Variants in EBF1 observed in about 807,000 individuals in gnomAD.
The protein encoded by EBF1 is EBF transcription factor 1, also known as transcription factor COE1.
A neutral mutation model predicts 68.4 loss-of-function variants in EBF1; 10 were observed. The ratio of observed to expected loss-of-function variants is 0.15; its 90% CI spans 0.09 to 0.25. The LOEUF (loss-of-function observed/expected upper bound fraction) is 0.25, where lower values mean the gene tolerates loss of function less well. Ranked by LOEUF, EBF1 falls within the 10% of genes least tolerant of loss-of-function variation. The pLI, the probability that EBF1 is intolerant of heterozygous loss-of-function variation, is 1.00. For missense variants in EBF1, 509 were observed against 794.4 expected (o/e 0.64, Z 4.32); for synonymous variants, 298 against 299.8 (o/e 0.99, Z 0.06).
chr5:158,793,193 C>A (rs573027393), intron 9 of EBF1, among the ~76,000 whole-genome samples: 1 of 152,130 alleles, frequency 6.6e-6, no homozygotes, highest in African/African-American at 2.4e-5. Context: ...AGAGCACTAC[C>A]AAACATTTAT....
chr5:158,852,134 T>C (rs1160424101), intron 6 of EBF1, among the ~76,000 whole-genome samples: 2 of 144,480 alleles, frequency 1.4e-5, no homozygotes. Flanking sequence ...GGAAACTTTA[T>C]GCTTCAAGGA....
intron 8 of EBF1, among the ~76,000 whole-genome samples, chr5:158,810,950 G>A (rs888546440): frequency 2.0e-4 from 30 of 152,224 alleles, no homozygotes; most frequent in Non-Finnish European, 3.4e-4. Context: ...ACGGCAGGCC[G>A]GCAGAAAAGC....
chr5:159,026,112 A>G (rs1473427806), intron 6 of EBF1, among the ~76,000 whole-genome samples: 1 of 152,132 alleles, frequency 6.6e-6, no homozygotes, highest in African/African-American at 2.4e-5. Context: ...CAGGAAGGTG[A>G]TTTCAGATGA....
chr5:159,084,889 G>T (rs1780367897), intron 4 of EBF1, 150 bp from the exon 5 acceptor site: 1 of 551,448 alleles, frequency 1.8e-6, no homozygotes, highest in Non-Finnish European at 3.0e-6. Flanking sequence ...ATCGTCTGAA[G>T]GTATGATATT....
At chr5:158,782,946 C>T (rs1248354077) in intron 9 of EBF1, among the ~76,000 whole-genome samples, 1 of 151,426 alleles carries the variant, frequency 6.6e-6, no homozygotes, top group Non-Finnish European at 1.5e-5. Flanking sequence ...GAGACCACTG[C>T]TTGTATATCA....
intron 6 of EBF1, among the ~76,000 whole-genome samples, chr5:158,937,579 G>A (rs1035894196): frequency 2.0e-5 from 3 of 152,216 alleles, no homozygotes; most frequent in African/African-American, 2.4e-5. Context: ...AGAGCAGAGC[G>A]GAATGGGATG....
intron 6 of EBF1, among the ~76,000 whole-genome samples, chr5:159,034,656 C>T (rs1769665297): frequency 6.6e-6 from 1 of 152,186 alleles, no homozygotes; most frequent in South Asian, 2.1e-4. Flanking sequence ...GCTTTACACA[C>T]ATTAGGCAGC....
intron 14 of EBF1, among the ~76,000 whole-genome samples, chr5:158,708,996 T>G (rs867710043): frequency 6.6e-6 from 1 of 152,194 alleles, no homozygotes; most frequent in East Asian, 1.9e-4. Context: ...AGCTTGGGGA[T>G]ATGAAAGAGC....
chr5:158,868,968 G>T (rs539529344), intron 6 of EBF1, among the ~76,000 whole-genome samples: 2 of 152,198 alleles, frequency 1.3e-5, no homozygotes, highest in South Asian at 4.1e-4. Flanking sequence ...TGACAAAGCC[G>T]GACCAAGAAA....
At chr5:158,851,057 C>T (rs1792539593) in intron 6 of EBF1, among the ~76,000 whole-genome samples, 1 of 152,084 alleles carries the variant, frequency 6.6e-6, no homozygotes, top group African/African-American at 2.4e-5. Flanking sequence ...CACCCATCCT[C>T]TCTTATCCCA....
At chr5:158,875,041 GCACACACACACACATACACACA>G (rs953474884) in intron 6 of EBF1, among the ~76,000 whole-genome samples, 2 of 102,352 alleles carry the variant, frequency 2.0e-5, no homozygotes, top group African/African-American at 4.4e-5. Flanking sequence ...ACACACACAA[GCACACACACACACATACACACA>G]CACACACACA....
chr5:159,021,307 A>C (rs940788391), intron 6 of EBF1, among the ~76,000 whole-genome samples: 1 of 152,244 alleles, frequency 6.6e-6, no homozygotes, highest in African/African-American at 2.4e-5. Context: ...GGGCAACTGC[A>C]CTCATAGGAG....
At chr5:158,751,375 C>A (rs1768862578) in intron 10 of EBF1, among the ~76,000 whole-genome samples, 1 of 147,108 alleles carries the variant, frequency 6.8e-6, no homozygotes, top group South Asian at 2.1e-4. Context: ...CCATCACATG[C>A]CAGGGACTCC....
intron 10 of EBF1, among the ~76,000 whole-genome samples, chr5:158,776,668 T>G (rs529141462): frequency 9.2e-5 from 14 of 152,274 alleles, no homozygotes; most frequent in African/African-American, 3.1e-4. Flanking sequence ...AGCAGCAGCA[T>G]CAGCCTCACC....
intron 6 of EBF1, among the ~76,000 whole-genome samples, chr5:158,917,727 T>G (rs1807529149): frequency 6.6e-6 from 1 of 152,218 alleles, no homozygotes; most frequent in Non-Finnish European, 1.5e-5. Context: ...CAGGTGGTAC[T>G]CATCTATAGC....
At chr5:158,818,710 T>C (rs1257603706) in intron 8 of EBF1, among the ~76,000 whole-genome samples, 1 of 152,222 alleles carries the variant, frequency 6.6e-6, no homozygotes, top group Non-Finnish European at 1.5e-5. Context: ...GGAAATTTAA[T>C]TGATTTGTAT....
intron 10 of EBF1, among the ~76,000 whole-genome samples, chr5:158,743,405 T>G (rs1251401081): frequency 1.3e-5 from 2 of 152,150 alleles, no homozygotes; most frequent in African/African-American, 4.8e-5. Context: ...GTGTTAAAGG[T>G]TAACCATAAG....
chr5:159,044,455 CT>C (rs1771909631), intron 6 of EBF1, among the ~76,000 whole-genome samples: 1 of 152,262 alleles, frequency 6.6e-6, no homozygotes, highest in East Asian at 1.9e-4. Flanking sequence ...TGTGTTCTGT[CT>C]CACAAGAGAA....
At chr5:158,883,422 G>A (rs189750853) in intron 6 of EBF1, among the ~76,000 whole-genome samples, 26 of 144,268 alleles carry the variant, frequency 1.8e-4, no homozygotes, top group Non-Finnish European at 3.0e-4. Context: ...ACATACATAC[G>A]TATATATATA....
Sources: gnomAD v4.1 joint callset for allele counts (sites outside exome capture counted in the v4.1 genomes callset) on GRCh38, gnomAD v4.1.1 for gene constraint, MANE v1.5 for transcripts, NCBI Gene and HGNC (gene_info 2026-07-23, HGNC 2026-07-21) for gene names.